NTRK3: variants seen among roughly 807,000 people sequenced by gnomAD.
NTRK3 encodes the protein neurotrophic receptor tyrosine kinase 3.
In NTRK3, 24 loss-of-function variants were observed where a neutral mutation model predicts 91.7. The observed-to-expected ratio is 0.26, with a 90% confidence interval of 0.19 to 0.37. NTRK3 has a LOEUF of 0.37. Ranked by LOEUF, NTRK3 falls within the 10% of genes least tolerant of loss-of-function variation. The pLI, the probability that NTRK3 is intolerant of heterozygous loss-of-function variation, is 1.00. For missense variants in NTRK3, 880 were observed against 1,068.9 expected (o/e 0.82, Z 2.46); for synonymous variants, 483 against 404.0 (o/e 1.20, Z -2.34).
intron 3 of NTRK3, among the ~76,000 whole-genome samples, chr15:88,216,437 A>G (rs570034239): frequency 2.0e-5 from 3 of 152,326 alleles, no homozygotes; most frequent in South Asian, 4.1e-4. Context: ...AAACTTAGCT[A>G]CAGAATAAAA....
At chr15:87,933,808 G>A (rs2069017359) in intron 15 of NTRK3, among the ~76,000 whole-genome samples, 1 of 152,176 alleles carries the variant, frequency 6.6e-6, no homozygotes, top group South Asian at 2.1e-4. Flanking sequence ...GAGTGGGGCG[G>A]CAGCTACGGG....
At position 87,968,258 on chromosome 15, in the gene NTRK3, C is replaced by T. The variant is rs117931121; in HGVS notation, c.1586-27505G>A. ...CAGTGAATATGATGGATATAACCCACAGAAACAAACATCATTTGGGGTTTC... is the reference window on the plus strand; with the variant it reads ...CAGTGAATATGATGGATATAACCCATAGAAACAAACATCATTTGGGGTTTC... On this transcript the variant is annotated intron_variant, in intron 14 of 18. Coordinates refer to ENST00000394480, the Ensembl canonical transcript of NTRK3. Among the ~76,000 whole-genome samples the T allele has an allele frequency of 7.9e-5, 12 of 152,252 alleles. No homozygotes were observed. The East Asian group carries it at 1.7e-3, about 22-fold the overall frequency.
intron 5 of NTRK3, among the ~76,000 whole-genome samples, chr15:88,150,584 G>C (rs1386897069): frequency 6.6e-6 from 1 of 152,004 alleles, no homozygotes; most frequent in African/African-American, 2.4e-5. Flanking sequence ...GGATGGAATG[G>C]CTGAAGCACT....
intron 14 of NTRK3, among the ~76,000 whole-genome samples, chr15:87,975,707 A>G (rs1008715009): frequency 2.6e-5 from 4 of 152,200 alleles, no homozygotes; most frequent in Admixed American, 1.3e-4. Flanking sequence ...CTAGACTCCA[A>G]TCGCAGCTGG....
At chr15:87,882,190 C>T (rs2065293278) in intron 17 of NTRK3, among the ~76,000 whole-genome samples, 2 of 152,308 alleles carry the variant, frequency 1.3e-5, no homozygotes, top group South Asian at 2.1e-4. Context: ...GCCACTTTGC[C>T]TAGCCAGAAA....
chr15:87,891,157 C>T (rs1311056522), intron 17 of NTRK3, among the ~76,000 whole-genome samples: 1 of 152,058 alleles, frequency 6.6e-6, no homozygotes, highest in Non-Finnish European at 1.5e-5. Context: ...AATATTATTA[C>T]TAATAATATG....
chr15:88,070,206 C>A (rs576093399), intron 13 of NTRK3, among the ~76,000 whole-genome samples: 1 of 152,270 alleles, frequency 6.6e-6, no homozygotes, highest in South Asian at 2.1e-4. Context: ...AAGGTAAAGA[C>A]TAGAAGGAGA....
chr15:87,975,915 TC>T (rs2141309301), intron 14 of NTRK3, among the ~76,000 whole-genome samples: 1 of 152,254 alleles, frequency 6.6e-6, no homozygotes, highest in South Asian at 2.1e-4. Flanking sequence ...GAAAAGACAT[TC>T]CACATCCTTT....
chr15:87,860,651 G>C (rs1490614152), exon 19 of NTRK3: 3 of 206,748 alleles, frequency 1.5e-5, no homozygotes, highest in African/African-American at 6.8e-5. Flanking sequence ...ATAAAGGAAA[G>C]GAATGAAGGG....
In NTRK3 at chr15:88,241,959, G is replaced by A. The variant is rs1035486712; in HGVS notation, c.248+13947C>T. Among the ~76,000 whole-genome samples, 1 of 152,152 alleles carries A rather than the reference G, an allele frequency of 6.6e-6. No individual in the cohort carries two copies. Among genetic ancestry groups the A allele is most frequent in the Non-Finnish European group, 1.5e-5 (1 of 68,036 alleles). On this transcript the variant is annotated intron_variant, in intron 3 of 18. Coordinates refer to ENST00000394480, the Ensembl canonical transcript of NTRK3. The surrounding 1 kb of genome is among the most constrained non-coding windows in gnomAD (Gnocchi z 4.3). Reference sequence around the variant, plus strand: ...CCTAGGGACAATGGAGACCTCAGGGGTCCTGCTCTCCACGGCTTTCCCAGC... The same window carrying A: ...CCTAGGGACAATGGAGACCTCAGGGATCCTGCTCTCCACGGCTTTCCCAGC...
chr15:88,077,677 A>C (rs538968545), intron 13 of NTRK3, among the ~76,000 whole-genome samples: 2 of 152,286 alleles, frequency 1.3e-5, no homozygotes, highest in East Asian at 3.9e-4. Flanking sequence ...CAAATCATAA[A>C]TAATGACAAG....
intron 14 of NTRK3, among the ~76,000 whole-genome samples, chr15:87,973,831 C>A (rs975687584): frequency 1.3e-5 from 2 of 152,134 alleles, no homozygotes; most frequent in Non-Finnish European, 2.9e-5. Flanking sequence ...CCCCTCTCCC[C>A]CTCCCTGTCT....
At chr15:87,916,115 T>C in intron 17 of NTRK3, 1 of 230,322 alleles carries the variant, frequency 4.3e-6, no homozygotes, top group Non-Finnish European at 8.6e-6. Flanking sequence ...TCCTCCTCCT[T>C]CCGTTTAGAC....
chr15:88,025,126 C>A (rs1026431290), intron 14 of NTRK3, among the ~76,000 whole-genome samples: 15 of 152,154 alleles, frequency 9.9e-5, no homozygotes, highest in African/African-American at 3.4e-4. Flanking sequence ...TGCCAGGAGA[C>A]CCTCGGGCAG....
At chr15:88,227,204 C>G (rs896167841) in intron 3 of NTRK3, among the ~76,000 whole-genome samples, 1 of 152,136 alleles carries the variant, frequency 6.6e-6, no homozygotes, top group Admixed American at 6.5e-5. Context: ...TTCAGGCTCT[C>G]CCATCCACTG....
At chr15:87,904,551 A>T (rs1158344006) in intron 17 of NTRK3, among the ~76,000 whole-genome samples, 1 of 152,098 alleles carries the variant, frequency 6.6e-6, no homozygotes, top group Non-Finnish European at 1.5e-5. Context: ...GCTGTAAAGG[A>T]TGCATCTATG....
chr15:87,994,609 A>C (rs2075550385), intron 14 of NTRK3, among the ~76,000 whole-genome samples: 1 of 152,190 alleles, frequency 6.6e-6, no homozygotes, highest in Non-Finnish European at 1.5e-5. Context: ...CGAGAAAATA[A>C]ATTTCTGTTG....
chr15:87,982,739 C>T (rs1314269412), intron 14 of NTRK3, among the ~76,000 whole-genome samples: 4 of 152,192 alleles, frequency 2.6e-5, no homozygotes, highest in African/African-American at 9.7e-5. Context: ...AAGGCAAGTC[C>T]TTTATATTGA....
chr15:88,251,432 A>G (rs981858425), intron 3 of NTRK3, among the ~76,000 whole-genome samples: 50 of 152,384 alleles, frequency 3.3e-4, no homozygotes, highest in African/African-American at 1.2e-3. Context: ...GATGGAGCTC[A>G]CAGGGAGTTA....
Sources: gnomAD v4.1 joint callset for allele counts (sites outside exome capture counted in the v4.1 genomes callset) on GRCh38, gnomAD v4.1.1 for gene constraint, Gnocchi (gnomAD v3.1) non-coding constraint, MANE v1.5 for transcripts, NCBI Gene and HGNC (gene_info 2026-07-23, HGNC 2026-07-21) for gene names.